Variants in RBFOX1 observed in about 807,000 individuals in gnomAD.
RBFOX1 encodes the protein RNA binding protein fox-1 homolog 1.
RBFOX1 carries 8 observed loss-of-function variants against 57.7 expected under a neutral mutation model. That is an observed-to-expected ratio of 0.14 (90% CI 0.08 to 0.25). The LOEUF is 0.25. RBFOX1 is among the 10% of genes least tolerant of loss of function. RBFOX1 has a pLI of 1.00. For missense variants in RBFOX1, 611 were observed against 548.5 expected, an observed-to-expected ratio of 1.11 and a Z score of -1.14; for synonymous variants, 326 against 222.4, an observed-to-expected ratio of 1.47 and a Z score of -4.15.
intron 4 of RBFOX1, among the ~76,000 whole-genome samples, chr16:7,366,579 T>C (rs2097453733): frequency 6.6e-6 from 1 of 152,194 alleles, no homozygotes; most frequent in Admixed American, 6.5e-5. Context: ...GCTTGTGTCC[T>C]AGTTGATATA....
At chr16:7,200,204 G>T (rs184690560) in intron 4 of RBFOX1, among the ~76,000 whole-genome samples, 1 of 152,216 alleles carries the variant, frequency 6.6e-6, no homozygotes, top group Non-Finnish European at 1.5e-5. Flanking sequence ...GTGACTTTTA[G>T]AAAGGAAACT....
chr16:7,448,805 A>G (rs958275540), intron 4 of RBFOX1, among the ~76,000 whole-genome samples: 4 of 152,220 alleles, frequency 2.6e-5, no homozygotes, highest in Admixed American at 6.5e-5. Flanking sequence ...ATCTTCTTGT[A>G]AGGGCACCAG....
At chr16:5,845,132 C>T (rs924697814) in intron 3 of RBFOX1, among the ~76,000 whole-genome samples, 29 of 150,676 alleles carry the variant, frequency 1.9e-4, no homozygotes, top group African/African-American at 6.4e-4. Flanking sequence ...TCCCAAATCC[C>T]TTAAGCTTTA....
intron 3 of RBFOX1, among the ~76,000 whole-genome samples, chr16:6,860,969 C>T (rs765191877): frequency 3.3e-5 from 5 of 151,840 alleles, no homozygotes; most frequent in Admixed American, 6.6e-5. Context: ...TATGGTAAAA[C>T]GAGATAGAGC....
chr16:5,843,550 A>G (rs903926104), intron 3 of RBFOX1, among the ~76,000 whole-genome samples: 6 of 152,150 alleles, frequency 3.9e-5, no homozygotes, highest in Admixed American at 6.5e-5. Context: ...CTACTCTGCC[A>G]TTAATGGGCA....
At chr16:5,454,982 T>C (rs915126856) in intron 1 of RBFOX1, among the ~76,000 whole-genome samples, 19 of 96,698 alleles carry the variant, frequency 2.0e-4, no homozygotes, top group South Asian at 7.2e-4. Context: ...TTTCTTTCTT[T>C]CTTTCTTTCT....
intron 3 of RBFOX1, among the ~76,000 whole-genome samples, chr16:5,819,935 C>G (rs1234274297): frequency 6.6e-6 from 1 of 152,176 alleles, no homozygotes; most frequent in East Asian, 1.9e-4. Flanking sequence ...TTTCTGCTGG[C>G]CTTTATCGTC....
intron 4 of RBFOX1, among the ~76,000 whole-genome samples, chr16:7,300,967 T>A (rs2096015947): frequency 6.6e-6 from 1 of 152,060 alleles, no homozygotes; most frequent in Admixed American, 6.6e-5. Flanking sequence ...TGTCTAGAAT[T>A]TTTTTTTGTG....
intron 4 of RBFOX1, among the ~76,000 whole-genome samples, chr16:5,984,640 C>G (rs1278662694): frequency 6.6e-6 from 1 of 152,108 alleles, no homozygotes; most frequent in East Asian, 1.9e-4. Flanking sequence ...TTTACCTGTA[C>G]AGGCATAGCT....
intron 3 of RBFOX1, among the ~76,000 whole-genome samples, chr16:5,797,339 C>G (rs1441774470): frequency 6.6e-6 from 1 of 152,234 alleles, no homozygotes; most frequent in Non-Finnish European, 1.5e-5. Flanking sequence ...TCCACACCCA[C>G]TTCTTGGGAC....
chr16:5,816,776 C>T (rs2055656860), intron 3 of RBFOX1, among the ~76,000 whole-genome samples: 1 of 152,006 alleles, frequency 6.6e-6, no homozygotes, highest in South Asian at 2.1e-4. Flanking sequence ...AGTGAGACCC[C>T]TGTCTCAAAA....
chr16:7,621,021 A>G (rs1210198651), intron 10 of RBFOX1, among the ~76,000 whole-genome samples: 1 of 152,106 alleles, frequency 6.6e-6, no homozygotes, highest in South Asian at 2.1e-4. Flanking sequence ...GAAGCCTATG[A>G]GAAATGCAGA....
intron 4 of RBFOX1, among the ~76,000 whole-genome samples, chr16:7,373,222 C>T (rs758812313): frequency 1.1e-4 from 17 of 152,042 alleles, no homozygotes; most frequent in African/African-American, 2.7e-4. Flanking sequence ...TGTGAGCCAC[C>T]GCGTCTGGCT....
At chr16:7,377,013 C>T (rs1392067774) in intron 4 of RBFOX1, among the ~76,000 whole-genome samples, 1 of 152,122 alleles carries the variant, frequency 6.6e-6, no homozygotes, top group Non-Finnish European at 1.5e-5. Flanking sequence ...CAGTGATTTC[C>T]ATAGGTCCCT....
chr16:7,497,102 A>T (rs2068918249), intron 4 of RBFOX1, among the ~76,000 whole-genome samples: 1 of 152,162 alleles, frequency 6.6e-6, no homozygotes, highest in Non-Finnish European at 1.5e-5. Context: ...TTCTAAGACA[A>T]ACCTGACCAT....
chr16:7,464,525 A>T lies in RBFOX1; in HGVS notation c.28-53622A>T, dbSNP rs532780891. ...AGGCCTATTGGACCTCTTTTCTAGT[A>T]ATTTCACCCCTTTCAGGGACATCTA... On this transcript the variant is annotated intron_variant, in intron 4 of 15. Transcript: ENST00000550418. Among the ~76,000 whole-genome samples the T allele has an allele frequency of 2.0e-5, 3 of 152,050 alleles. No homozygotes were observed. In the South Asian group the frequency reaches 6.3e-4, roughly 32 times the overall value.
At chr16:5,271,806 G>T (rs1206445154) in intron 1 of RBFOX1, among the ~76,000 whole-genome samples, 3 of 152,148 alleles carry the variant, frequency 2.0e-5, no homozygotes, top group Non-Finnish European at 4.4e-5. Context: ...ATTTCTGTGA[G>T]TTCAACTTCT....
intron 4 of RBFOX1, among the ~76,000 whole-genome samples, chr16:7,420,209 C>G (rs2098527042): frequency 6.6e-6 from 1 of 152,102 alleles, no homozygotes. Flanking sequence ...GGGCACATGA[C>G]CTATTCCGTA....
chr16:6,053,426 GA>G (rs1438192015), intron 1 of RBFOX1, among the ~76,000 whole-genome samples: 3 of 152,178 alleles, frequency 2.0e-5, no homozygotes, highest in African/African-American at 7.2e-5. Flanking sequence ...GGAGGAGAGA[GA>G]GTGATAAGGT....
Sources: gnomAD v4.1 joint callset for allele counts (sites outside exome capture counted in the v4.1 genomes callset) on GRCh38, gnomAD v4.1.1 for gene constraint, MANE v1.5 for transcripts, NCBI Gene and HGNC (gene_info 2026-07-23, HGNC 2026-07-21) for gene names.